The following ST7 variants were observed in gnomAD, a reference collection of about 807,000 sequenced individuals.
ST7 encodes the protein suppressor of tumorigenicity 7 protein.
Under a neutral mutation model 78.7 loss-of-function variants are expected in ST7, and 28 were observed. The ratio of observed to expected loss-of-function variants is 0.36; its 90% CI spans 0.26 to 0.49. The LOEUF (loss-of-function observed/expected upper bound fraction) is 0.49. Ranked by LOEUF, ST7 falls within the 20% of genes least tolerant of loss-of-function variation. The pLI is 0.99. For synonymous variants in ST7, 247 were observed against 249.6 expected, an observed-to-expected ratio of 0.99 and a Z score of 0.10; for missense variants, 418 against 696.0, an observed-to-expected ratio of 0.60 and a Z score of 4.49.
intron 1 of ST7, among the ~76,000 whole-genome samples, chr7:117,089,517 A>C (rs1415533384): frequency 1.3e-5 from 2 of 152,076 alleles, no homozygotes; most frequent in African/African-American, 4.8e-5. Context: ...GTGCGGGATT[A>C]CTTACTTTTG....
chr7:117,044,559 C>CATATTTATTAAATAA (rs1797393842), intron 1 of ST7, among the ~76,000 whole-genome samples: 2 of 152,040 alleles, frequency 1.3e-5, no homozygotes, highest in Non-Finnish European at 2.9e-5. Flanking sequence ...CCATATTGTC[C>CATATTTATTAAATAA]AGGCTGGTCT....
At chr7:117,196,624 CTTTTTTTTTTTTTTTTTT>C in intron 12 of ST7, among the ~76,000 whole-genome samples, 1 of 59,518 alleles carries the variant, frequency 1.7e-5, no homozygotes, top group South Asian at 1.0e-3. Flanking sequence ...GATTGTTGGG[CTTTTTTTTTTTTTTTTTT>C]TTTTTTTTTG....
At chr7:117,177,478 T>G (rs1224330408) in intron 10 of ST7, among the ~76,000 whole-genome samples, 2 of 152,188 alleles carry the variant, frequency 1.3e-5, no homozygotes, top group Non-Finnish European at 2.9e-5. Context: ...GGAAACTGCT[T>G]TGTTTGGCTT....
intron 12 of ST7, among the ~76,000 whole-genome samples, chr7:117,208,902 G>GTGTGT (rs1792028590): frequency 7.2e-6 from 1 of 139,800 alleles, no homozygotes; most frequent in African/African-American, 2.7e-5. Context: ...TGTATGTGTG[G>GTGTGT]GTGTGTGTGT....
chr7:117,167,548 G>A (rs1478387131), intron 9 of ST7, among the ~76,000 whole-genome samples: 1 of 151,982 alleles, frequency 6.6e-6, no homozygotes, highest in Admixed American at 6.6e-5. Flanking sequence ...AGGTAAAACT[G>A]TCAGGAAGAC....
chr7:117,171,265 C>T (rs1040425557), intron 10 of ST7, among the ~76,000 whole-genome samples: 11 of 152,112 alleles, frequency 7.2e-5, no homozygotes, highest in African/African-American at 1.7e-4. Flanking sequence ...ATTACCTCTG[C>T]GGTCAGGAAT....
At chr7:117,052,303 C>A (rs527704376) in intron 1 of ST7, among the ~76,000 whole-genome samples, 1 of 152,136 alleles carries the variant, frequency 6.6e-6, no homozygotes, top group Non-Finnish European at 1.5e-5. Context: ...GTTGTACTAG[C>A]GCCTGAACTC....
At chr7:117,075,286 A>G (rs1427456702) in intron 1 of ST7, among the ~76,000 whole-genome samples, 2 of 152,340 alleles carry the variant, frequency 1.3e-5, no homozygotes, top group African/African-American at 4.8e-5. Context: ...TATTTTGAAT[A>G]TATATTATAT....
At chr7:117,012,104 ACT>A (rs1476241713) in intron 1 of ST7, among the ~76,000 whole-genome samples, 1 of 151,870 alleles carries the variant, frequency 6.6e-6, no homozygotes, top group Non-Finnish European at 1.5e-5. Flanking sequence ...GGCTAATGCC[ACT>A]CTCATTTTAA....
chr7:116,996,326 C>T (rs1794650306), intron 1 of ST7, among the ~76,000 whole-genome samples: 1 of 152,168 alleles, frequency 6.6e-6, no homozygotes, highest in Non-Finnish European at 1.5e-5. Flanking sequence ...ATCCACCCAC[C>T]TCGGCCTCCC....
At chr7:116,976,252 A>G (rs1793700200) in intron 1 of ST7, among the ~76,000 whole-genome samples, 1 of 152,130 alleles carries the variant, frequency 6.6e-6, no homozygotes, top group Non-Finnish European at 1.5e-5. Context: ...TGACAGAGCA[A>G]GACTCTCTCA....
At chr7:116,966,583 G>A (rs1793130735) in intron 1 of ST7, among the ~76,000 whole-genome samples, 1 of 152,114 alleles carries the variant, frequency 6.6e-6, no homozygotes, top group East Asian at 1.9e-4. Flanking sequence ...TAAAAACTTG[G>A]TGTTCATAAG....
chr7:117,165,338 A>G (rs555996429), intron 9 of ST7, among the ~76,000 whole-genome samples: 15 of 152,282 alleles, frequency 9.9e-5, no homozygotes, highest in African/African-American at 2.9e-4. Context: ...TAGACCATCT[A>G]TTCCATTTTC....
chr7:117,100,434 A>T (rs891473621), intron 2 of ST7, among the ~76,000 whole-genome samples: 7 of 152,184 alleles, frequency 4.6e-5, no homozygotes, highest in Non-Finnish European at 1.0e-4. Context: ...AGATCGCGCC[A>T]TTGCACTCCA....
At chr7:117,170,105 A>G (rs973656567) in intron 9 of ST7, among the ~76,000 whole-genome samples, 5 of 152,138 alleles carry the variant, frequency 3.3e-5, no homozygotes, top group East Asian at 1.9e-4. Flanking sequence ...TTACCCTTCT[A>G]CAGTCTGGCT....
intron 1 of ST7, among the ~76,000 whole-genome samples, chr7:117,018,918 A>G (rs1488959953): frequency 6.6e-6 from 1 of 152,222 alleles, no homozygotes; most frequent in Non-Finnish European, 1.5e-5. Flanking sequence ...GCTAAAGATC[A>G]AGTTACCCTG....
chr7:117,162,311 G>A (rs1807220990), intron 9 of ST7, among the ~76,000 whole-genome samples: 1 of 151,944 alleles, frequency 6.6e-6, no homozygotes, highest in African/African-American at 2.4e-5. Context: ...AATGTTTACT[G>A]AATGAATAAT....
intron 1 of ST7, among the ~76,000 whole-genome samples, chr7:117,041,923 C>G (rs1255553939): frequency 6.6e-6 from 1 of 152,120 alleles, no homozygotes; most frequent in Admixed American, 6.5e-5. Context: ...TCACAAGGGT[C>G]CTTAAATGTC....
At chr7:117,069,345 A>ATAATT (rs1329783702) in intron 1 of ST7, among the ~76,000 whole-genome samples, 1 of 152,212 alleles carries the variant, frequency 6.6e-6, no homozygotes, top group Non-Finnish European at 1.5e-5. Flanking sequence ...ATATGATTAG[A>ATAATT]TGTAATTGAA....
Sources: allele counts gnomAD v4.1 joint callset (sites outside exome capture counted in the v4.1 genomes callset), GRCh38; gene constraint gnomAD v4.1.1; transcripts MANE v1.5; gene names NCBI Gene and HGNC (gene_info 2026-07-23, HGNC 2026-07-21).